Variants in PRPF40B observed in about 807,000 individuals in gnomAD.
PRPF40B encodes pre-mRNA-processing factor 40 homolog B.
A neutral mutation model predicts 124.5 loss-of-function variants in PRPF40B; 56 were observed. That is an observed-to-expected ratio of 0.45 (90% CI 0.36 to 0.56). The LOEUF is 0.56. Ranked by LOEUF, PRPF40B falls within the 20% of genes least tolerant of loss-of-function variation. PRPF40B has a pLI of 0.00. For missense variants in PRPF40B, 1,053 were observed against 1,169.5 expected (o/e 0.90, Z 1.45); for synonymous variants, 443 against 426.4 (o/e 1.04, Z -0.48).
In PRPF40B at chr12:49,631,642, G is replaced by A. The variant is rs1941237356; in HGVS notation, c.228+98G>A. On this transcript the variant is annotated intron_variant, in intron 3 of 25. Coordinates refer to ENST00000548825, the MANE Select transcript of PRPF40B (RefSeq NM_001031698.3). This position sits in a 1 kb window ranked among gnomAD's most constrained non-coding sequence, Gnocchi z 4.3. Reference sequence around the variant, plus strand: ...ATGTAGGCCTCAGAAACTGGGGAAGGAAGGGAGCTTTGGGCCAAACCCATG... The same window carrying A: ...ATGTAGGCCTCAGAAACTGGGGAAGAAAGGGAGCTTTGGGCCAAACCCATG... 2 of 1,445,636 alleles carry A rather than the reference G, an allele frequency of 1.4e-6. No homozygotes were observed. The highest frequency in any genetic ancestry group is 3.6e-4 in the Middle Eastern group (2 of 5,502). The allele number at this position is 1,445,636 out of a possible 1,614,324, so 89.6% of individuals were successfully genotyped here.
In PRPF40B at chr12:49,631,624, C is replaced by A; in HGVS notation, c.228+80C>A. 6.8e-7 allele frequency: 1 copy of A among 1,479,736 alleles called. No homozygotes were observed. 91.7% of individuals were successfully genotyped at this position (1,479,736 alleles called of 1,614,324 possible). On this transcript the variant is annotated intron_variant, in intron 3 of 25. Transcript: ENST00000548825. The surrounding 1 kb of genome is among the most constrained non-coding windows in gnomAD (Gnocchi z 4.3). ...GTGGAGATAAGAGCGGGCATGTAGG[C>A]CTCAGAAACTGGGGAAGGAAGGGAG...
Position 49,631,765 on chromosome 12 carries a change from T to A in PRPF40B, c.229-95T>A. 2 of 1,339,728 alleles carry A rather than the reference T, an allele frequency of 1.5e-6. No homozygotes were observed. Among genetic ancestry groups the A allele is most frequent in the South Asian group, 2.3e-5 (2 of 85,568 alleles). The allele number at this position is 1,339,728 out of a possible 1,614,324, so 83.0% of individuals were successfully genotyped here. A position where few individuals can be genotyped will look rare whatever the true frequency, so the allele number is the denominator to read the frequency against. On this transcript the variant is annotated intron_variant, in intron 3 of 25. Transcript: ENST00000548825. This position sits in a 1 kb window ranked among gnomAD's most constrained non-coding sequence, Gnocchi z 4.3. ...GAAGTGCCCAAGTGAGGGTCATGGC[T>A]CCAGTGAGATGTCTCAGGACCCTTT...
At chr12:49,641,835 T>C (rs992775763) in intron 18 of PRPF40B, 73 bp from the exon 19 acceptor site, 37 of 1,274,760 alleles carry the variant, frequency 2.9e-5, no homozygotes, top group South Asian at 1.8e-4. Flanking sequence ...CCATCTGTAA[T>C]GTGACCACTC....
chr12:49,624,513 T>C (rs1420142600), intron 1 of PRPF40B, among the ~76,000 whole-genome samples: 1 of 152,148 alleles, frequency 6.6e-6, no homozygotes, highest in South Asian at 2.1e-4. Flanking sequence ...AAAAGTAACA[T>C]TCGCTTCTTC....
intron 1 of PRPF40B, among the ~76,000 whole-genome samples, chr12:49,625,748 C>G (rs1372130211): frequency 6.6e-6 from 1 of 152,214 alleles, no homozygotes; most frequent in Non-Finnish European, 1.5e-5. Flanking sequence ...ATCTGCTTCT[C>G]TTTCAGCAAC....
At chr12:49,625,591 A>G (rs542769691) in intron 1 of PRPF40B, among the ~76,000 whole-genome samples, 1 of 152,270 alleles carries the variant, frequency 6.6e-6, no homozygotes, top group African/African-American at 2.4e-5. Flanking sequence ...TTAGATGTGA[A>G]GTCCCAGAAG....
In PRPF40B at chr12:49,637,466, T is replaced by C. The variant is rs780039787; in HGVS notation, c.1561-4T>C. ...CTCCCTATAACTGGCCTCTCCCTGC[T>C]CAGACCTTCCTGGACGAGCTGCATG... On this transcript the variant is annotated splice_polypyrimidine_tract_variant and splice_region_variant and intron_variant, in intron 16 of 25. Coordinates refer to ENST00000548825, the MANE Select transcript of PRPF40B (RefSeq NM_001031698.3). The C allele has an allele frequency of 6.2e-7, 1 of 1,611,698 alleles. No homozygotes were observed. The highest frequency in any genetic ancestry group is 2.2e-5 in the East Asian group (1 of 44,866).
chr12:49,629,823 G>A (rs1941054598), intron 1 of PRPF40B, among the ~76,000 whole-genome samples: 1 of 152,206 alleles, frequency 6.6e-6, no homozygotes, highest in Non-Finnish European at 1.5e-5. Context: ...GCCATTAGGG[G>A]TAGGACAGGG....
At position 49,631,128 on chromosome 12, in the gene PRPF40B, C is replaced by G. The variant is rs1396970997; in HGVS notation, c.85-273C>G. On this transcript the variant is annotated intron_variant, in intron 2 of 25. Coordinates refer to ENST00000548825, the MANE Select transcript of PRPF40B (RefSeq NM_001031698.3). The surrounding 1 kb of genome is among the most constrained non-coding windows in gnomAD (Gnocchi z 4.3). ...AGAGGTGGAGCCTTCCAGTCTCAGTCTGGTGCTGTTAAACCTCCCTTATTC... is the reference window on the plus strand; with the variant it reads ...AGAGGTGGAGCCTTCCAGTCTCAGTGTGGTGCTGTTAAACCTCCCTTATTC... Among the ~76,000 whole-genome samples, 1 of 152,128 alleles carries G rather than the reference C, an allele frequency of 6.6e-6. No homozygotes were observed.
intron 18 of PRPF40B, chr12:49,640,063 C>T (rs1212936654): frequency 6.6e-6 from 1 of 152,202 alleles, no homozygotes; most frequent in Non-Finnish European, 1.5e-5. Context: ...AGTTCCCTTC[C>T]TCTTTCCCCA....
rs749433984 is a variant in PRPF40B at position 49,631,835 on chromosome 12, G to C, written c.229-25G>C. ...GTTCCAGCCCTTACCTTGGTGGTTG[G>C]TTTCTGTCTTCTTTGTATCCATAGA... On this transcript the variant is annotated intron_variant, in intron 3 of 25. Coordinates refer to ENST00000548825, the MANE Select transcript of PRPF40B (RefSeq NM_001031698.3). The surrounding 1 kb of genome is among the most constrained non-coding windows in gnomAD (Gnocchi z 4.3). 6.2e-7 allele frequency: 1 copy of C among 1,609,848 alleles called. No homozygotes were observed. Among genetic ancestry groups the C allele is most frequent in the African/African-American group, 1.3e-5 (1 of 74,922 alleles).
In PRPF40B at chr12:49,644,273, C is replaced by A. The variant is rs565479378; in HGVS notation, c.*81C>A. ...CCTCACCGTCTGCCTCAGACTTCTT[C>A]CTTAGTCTGGTCTGTGTCCACTTTT... On this transcript the variant is annotated 3_prime_UTR_variant, in exon 26 of 26. Coordinates refer to ENST00000548825, the MANE Select transcript of PRPF40B (RefSeq NM_001031698.3). 2.0e-6 allele frequency: 3 copies of A among 1,483,472 alleles called. No individual in the cohort carries two copies. The African/African-American group carries it at 4.2e-5, about 21-fold the overall frequency. The allele number at this position is 1,483,472 out of a possible 1,614,324, so 91.9% of individuals were successfully genotyped here.
Position 49,642,089 on chromosome 12 carries a change from A to G in PRPF40B, c.1884+65A>G. ...TCTGTGTCTTGCTCCATTCCTTCTC[A>G]CTCACTGTCCCACTGACTATATTCC... On this transcript the variant is annotated intron_variant, in intron 19 of 25. Transcript: ENST00000548825. This position sits in a 1 kb window ranked among gnomAD's most constrained non-coding sequence, Gnocchi z 5.8. 1 of 1,603,598 alleles carries G rather than the reference A, an allele frequency of 6.2e-7. No homozygotes were observed. The highest frequency in any genetic ancestry group is 8.5e-7 in the Non-Finnish European group (1 of 1,173,258).
intron 18 of PRPF40B, chr12:49,638,594 C>T (rs1008790511): frequency 1.3e-5 from 2 of 152,098 alleles, no homozygotes; most frequent in Non-Finnish European, 2.9e-5. Context: ...TGGACTAAAC[C>T]TTGTGTTCCA....
rs12322425 is a variant in PRPF40B at position 49,633,005 on chromosome 12, C to A, written c.349-9C>A. 9.8e-5 allele frequency: 71 copies of A among 728,140 alleles called. No homozygotes were observed. Among genetic ancestry groups the A allele is most frequent in the Non-Finnish European group, 1.3e-4 (57 of 447,056 alleles). The allele number at this position is 728,140 out of a possible 1,614,324, so 45.1% of individuals were successfully genotyped here. A position where few individuals can be genotyped will look rare whatever the true frequency, so the allele number is the denominator to read the frequency against. ...TTGACCACCATTCTGTGCCCCCCCC[C>A]CCACCCAGAGGGCCCTATGGAGTGA... On this transcript the variant is annotated splice_polypyrimidine_tract_variant and intron_variant, in intron 6 of 25. Coordinates refer to ENST00000548825, the MANE Select transcript of PRPF40B (RefSeq NM_001031698.3).
chr12:49,641,687 C>T (rs1565848400), intron 18 of PRPF40B: 2 of 543,894 alleles, frequency 3.7e-6, no homozygotes, highest in Non-Finnish European at 6.5e-6. Context: ...CATCTCCCAA[C>T]CCCTTCAGCT....
rs543786866 is a variant in PRPF40B, at chr12:49,642,801, T to C, written c.2118+126T>C. ...CTGGCCAGCTAAGGAAGGGGAGGCC[T>C]GAGGATCCCTGGGATAGGCAGAAGG... On this transcript the variant is annotated intron_variant, in intron 21 of 25. Transcript: ENST00000548825. The surrounding 1 kb of genome is among the most constrained non-coding windows in gnomAD (Gnocchi z 5.8). 8.4e-6 allele frequency: 12 copies of C among 1,422,050 alleles called. No homozygotes were observed. The highest frequency in any genetic ancestry group is 1.8e-4 in the Middle Eastern group (1 of 5,592). 88.1% of individuals were successfully genotyped at this position (1,422,050 alleles called of 1,614,324 possible).
At chr12:49,625,942 T>A (rs1453008548) in intron 1 of PRPF40B, among the ~76,000 whole-genome samples, 2 of 152,336 alleles carry the variant, frequency 1.3e-5, no homozygotes, top group East Asian at 1.9e-4. Flanking sequence ...GTAGTTTATG[T>A]TTATTCCATT....
chr12:49,623,490 G>C, upstream of PRPF40B: 1 of 1,204,766 alleles, frequency 8.3e-7, no homozygotes, highest in Non-Finnish European at 1.0e-6. Context: ...GAAGGGGTGC[G>C]ACCCCCCGCC....
Sources: gnomAD v4.1 joint callset for allele counts (sites outside exome capture counted in the v4.1 genomes callset) on GRCh38, gnomAD v4.1.1 for gene constraint, Gnocchi (gnomAD v3.1) non-coding constraint, MANE v1.5 for transcripts, NCBI Gene and HGNC (gene_info 2026-07-23, HGNC 2026-07-21) for gene names.